The following PTPRT variants were observed in gnomAD, a reference collection of about 807,000 sequenced individuals.
PTPRT encodes the protein receptor-type tyrosine-protein phosphatase T.
PTPRT carries 56 observed loss-of-function variants against 176.8 expected under a neutral mutation model. That is an observed-to-expected ratio of 0.32 (90% CI 0.26 to 0.40). The LOEUF (loss-of-function observed/expected upper bound fraction) is 0.40, where lower values mean the gene tolerates loss of function less well. Ranked by LOEUF, PTPRT falls within the 10% of genes least tolerant of loss-of-function variation. The pLI is 1.00. For missense variants in PTPRT, 1,540 were observed against 1,908.2 expected, an observed-to-expected ratio of 0.81 and a Z score of 3.60; for synonymous variants, 783 against 739.0, an observed-to-expected ratio of 1.06 and a Z score of -0.96.
At chr20:42,185,400 T>C (rs1990736543) in intron 16 of PTPRT, among the ~76,000 whole-genome samples, 1 of 152,222 alleles carries the variant, frequency 6.6e-6, no homozygotes, top group Non-Finnish European at 1.5e-5. Flanking sequence ...ATTCCTATGA[T>C]TGAAGGACTA....
intron 7 of PTPRT, among the ~76,000 whole-genome samples, chr20:42,660,321 T>A (rs957144340): frequency 6.6e-6 from 1 of 152,108 alleles, no homozygotes; most frequent in Non-Finnish European, 1.5e-5. Context: ...TAAGCTTCCA[T>A]CCCTTCTCCC....
chr20:42,891,492 T>G (rs142944380), intron 1 of PTPRT, among the ~76,000 whole-genome samples: 40 of 152,284 alleles, frequency 2.6e-4, no homozygotes, highest in East Asian at 1.9e-3. Context: ...GAAAATCCAT[T>G]TGGGTTTGGT....
At chr20:43,173,380 C>T (rs2015050678) in intron 1 of PTPRT, among the ~76,000 whole-genome samples, 2 of 152,312 alleles carry the variant, frequency 1.3e-5, no homozygotes, top group South Asian at 4.1e-4. Context: ...TATGCAGGCC[C>T]TTATATCTCA....
intron 2 of PTPRT, among the ~76,000 whole-genome samples, chr20:42,864,153 T>A (rs1275617596): frequency 6.6e-6 from 1 of 152,186 alleles, no homozygotes; most frequent in Non-Finnish European, 1.5e-5. Flanking sequence ...AGGCCAGGAC[T>A]AAAATGACAA....
At chr20:42,952,118 C>T (rs1024674349) in intron 1 of PTPRT, among the ~76,000 whole-genome samples, 6 of 152,202 alleles carry the variant, frequency 3.9e-5, no homozygotes, top group African/African-American at 1.4e-4. Flanking sequence ...TGTGGCCACG[C>T]AGTGTCCAGC....
At chr20:42,263,444 G>A (rs1263487993) in intron 13 of PTPRT, among the ~76,000 whole-genome samples, 1 of 129,546 alleles carries the variant, frequency 7.7e-6, no homozygotes, top group Non-Finnish European at 1.6e-5. Context: ...GCAGTGGCAT[G>A]ATCTCGGCTC....
rs970250649 is a variant in PTPRT, at chr20:42,955,855, A to AGGAG, written c.89-69927_89-69924dup. Among the ~76,000 whole-genome samples, 408 of 51,222 alleles carry AGGAG rather than the reference A, an allele frequency of 8.0e-3. 2 individuals carry two copies. Among genetic ancestry groups the AGGAG allele is most frequent in the African/African-American group, 0.028 (370 of 13,248 alleles). The allele number at this position is 51,222 out of a possible 152,430, so 33.6% of individuals were successfully genotyped here. A position where few individuals can be genotyped will look rare whatever the true frequency, so the allele number is the denominator to read the frequency against. ...AGGGAGAAGGAGGGAGGGAGGGAGA[A>AGGAG]GGAGGGAGGGAGGGAGGGAGGGAGG... On this transcript the variant is annotated intron_variant, in intron 1 of 30. Coordinates refer to ENST00000373187, the MANE Select transcript of PTPRT (RefSeq NM_007050.6).
intron 7 of PTPRT, among the ~76,000 whole-genome samples, chr20:42,626,283 G>A (rs1193684166): frequency 6.6e-6 from 1 of 152,052 alleles, no homozygotes; most frequent in East Asian, 1.9e-4. Context: ...CCATTTTTCA[G>A]ATGATTCTCC....
At chr20:42,594,431 T>C (rs920178446) in intron 7 of PTPRT, among the ~76,000 whole-genome samples, 2 of 152,216 alleles carry the variant, frequency 1.3e-5, no homozygotes, top group African/African-American at 2.4e-5. Flanking sequence ...ATGTTCGTTC[T>C]CTTTCTCTCG....
intron 16 of PTPRT, among the ~76,000 whole-genome samples, chr20:42,190,209 T>A (rs1011387059): frequency 1.3e-5 from 2 of 152,208 alleles, no homozygotes; most frequent in Admixed American, 6.5e-5. Flanking sequence ...GATTTTTGCA[T>A]CTTTGAGTTC....
At chr20:42,166,366 A>G (rs2146524409) in intron 16 of PTPRT, among the ~76,000 whole-genome samples, 1 of 152,318 alleles carries the variant, frequency 6.6e-6, no homozygotes, top group Non-Finnish European at 1.5e-5. Flanking sequence ...GCACTTTGAA[A>G]TGTGCCTACT....
chr20:43,163,726 C>T (rs2014777283), intron 1 of PTPRT, among the ~76,000 whole-genome samples: 1 of 152,126 alleles, frequency 6.6e-6, no homozygotes, highest in Non-Finnish European at 1.5e-5. Flanking sequence ...TCCGTGGCTC[C>T]TGCACTGGAC....
chr20:42,775,332 T>C (rs2077120122), intron 4 of PTPRT, among the ~76,000 whole-genome samples: 1 of 152,182 alleles, frequency 6.6e-6, no homozygotes, highest in Admixed American at 6.5e-5. Flanking sequence ...GAAAGCCCAG[T>C]ACGCACATTA....
intron 9 of PTPRT, among the ~76,000 whole-genome samples, chr20:42,426,212 A>G (rs1180704756): frequency 6.6e-6 from 1 of 151,976 alleles, no homozygotes; most frequent in Non-Finnish European, 1.5e-5. Flanking sequence ...TTGGCTCACC[A>G]CACTCCCCTA....
At chr20:43,059,186 T>C (rs1300138843) in intron 1 of PTPRT, among the ~76,000 whole-genome samples, 1 of 152,240 alleles carries the variant, frequency 6.6e-6, no homozygotes, top group Non-Finnish European at 1.5e-5. Flanking sequence ...TGCTGATTCA[T>C]ACTAATCTCC....
In PTPRT at chr20:42,872,005, C is replaced by A. The variant is rs556270513; in HGVS notation, c.214+13802G>T. 2.0e-4 allele frequency among the ~76,000 whole-genome samples: 31 copies of A among 152,302 alleles called. 2 individuals are homozygous for A. The South Asian group carries it at 6.4e-3, about 32-fold the overall frequency. On this transcript the variant is annotated intron_variant, in intron 2 of 30. Coordinates refer to ENST00000373187, the MANE Select transcript of PTPRT (RefSeq NM_007050.6). ...TCTTAAAAGACATAACATATTCTTG[C>A]TTGTTCATAGCTTTCACAAGTTGTT...
chr20:42,077,996 G>T lies in PTPRT; in HGVS notation c.*2883C>A, dbSNP rs537975592. 2.1e-3 allele frequency: 397 copies of T among 191,826 alleles called. 2 individuals carry two copies. The highest frequency in any genetic ancestry group is 3.0e-3 in the Non-Finnish European group (273 of 91,414). 11.9% of individuals were successfully genotyped at this position (191,826 alleles called of 1,614,324 possible). ...CCCTCATCCTGTCTGGATGTACCAA[G>T]ATCTAAGAAAATAGCATACAGCAGG... On this transcript the variant is annotated 3_prime_UTR_variant, in exon 31 of 31. Transcript: ENST00000373187.
chr20:42,863,733 C>T (rs116355586), intron 2 of PTPRT, among the ~76,000 whole-genome samples: 49 of 152,272 alleles, frequency 3.2e-4, no homozygotes, highest in African/African-American at 1.1e-3. Flanking sequence ...TTACAACACA[C>T]GGATCTTGAA....
At chr20:42,291,260 C>T (rs1198927986) in intron 12 of PTPRT, among the ~76,000 whole-genome samples, 10 of 152,046 alleles carry the variant, frequency 6.6e-5, no homozygotes, top group Admixed American at 4.6e-4. Context: ...TTACTATGTG[C>T]CACACATTGG....
Sources: allele counts gnomAD v4.1 joint callset (sites outside exome capture counted in the v4.1 genomes callset), GRCh38; gene constraint gnomAD v4.1.1; transcripts MANE v1.5; gene names NCBI Gene and HGNC (gene_info 2026-07-23, HGNC 2026-07-21).